Variants in DNAH6 observed in about 807,000 individuals in gnomAD.
DNAH6 encodes the protein dynein axonemal heavy chain 6.
In DNAH6, 340 loss-of-function variants were observed where a neutral mutation model predicts 491.4. That is an observed-to-expected ratio of 0.69 (90% confidence interval 0.63 to 0.76). The LOEUF (loss-of-function observed/expected upper bound fraction) is 0.76. DNAH6 is among the 30% of genes least tolerant of loss of function. The pLI is 0.00. For synonymous variants in DNAH6, 1,603 were observed against 1,686.1 expected (o/e 0.95, Z 1.21); for missense variants, 4,443 against 4,972.2 (o/e 0.89, Z 3.20).
chr2:84,646,806 A>G (rs114829011), intron 33 of DNAH6, among the ~76,000 whole-genome samples: 2,169 of 152,326 alleles, frequency 0.014, 52 homozygotes, highest in African/African-American at 0.05. Flanking sequence ...TAAAACCTGC[A>G]TGGATGAGGA....
At chr2:84,697,780 C>T in intron 47 of DNAH6, 53 bp downstream of exon 47, 2 of 1,543,372 alleles carry the variant, frequency 1.3e-6, no homozygotes, top group South Asian at 1.2e-5. Context: ...GTTTCTTCAC[C>T]TTTTATTTAA....
chr2:84,540,668 A>G (rs958543402), intron 4 of DNAH6, among the ~76,000 whole-genome samples: 2 of 152,128 alleles, frequency 1.3e-5, no homozygotes, highest in Non-Finnish European at 2.9e-5. Flanking sequence ...AAGGGCCCCA[A>G]AATTCTCTCA....
chr2:84,533,935 A>G (rs1312698865), intron 4 of DNAH6, among the ~76,000 whole-genome samples: 2 of 152,028 alleles, frequency 1.3e-5, no homozygotes, highest in Admixed American at 1.3e-4. Context: ...AGATCTTTTA[A>G]TTTTTTTTAA....
At chr2:84,773,406 T>A (rs544789134) in intron 64 of DNAH6, among the ~76,000 whole-genome samples, 1 of 152,234 alleles carries the variant, frequency 6.6e-6, no homozygotes, top group Non-Finnish European at 1.5e-5. Flanking sequence ...TATTCCTTTA[T>A]GTGGTTGCAT....
intron 17 of DNAH6, among the ~76,000 whole-genome samples, chr2:84,594,884 A>T (rs984107250): frequency 6.6e-6 from 1 of 152,192 alleles, no homozygotes; most frequent in Non-Finnish European, 1.5e-5. Flanking sequence ...TGGTGGAGAA[A>T]ATAGAAAATA....
At chr2:84,697,908 A>G (rs2104809323) in intron 47 of DNAH6, 181 bp downstream of exon 47, 2 of 651,100 alleles carry the variant, frequency 3.1e-6, no homozygotes, top group Admixed American at 5.9e-5. Context: ...CCAGACTTCC[A>G]GAAAGTTCTG....
intron 68 of DNAH6, 53 bp downstream of exon 68, chr2:84,787,355 G>C (rs1677303791): frequency 6.9e-7 from 1 of 1,457,904 alleles, no homozygotes; most frequent in African/African-American, 1.4e-5. Flanking sequence ...AAAGTTGTTG[G>C]TTTACTCCCA....
At chr2:84,755,268 T>TCTCTTGCC (rs1237337115) in intron 63 of DNAH6, among the ~76,000 whole-genome samples, 1 of 152,204 alleles carries the variant, frequency 6.6e-6, no homozygotes, top group Non-Finnish European at 1.5e-5. Flanking sequence ...GCTGTCTTGC[T>TCTCTTGCC]CTCTTGCCCT....
the DNAH6 span, among the ~76,000 whole-genome samples, chr2:84,461,263 T>G: frequency 6.6e-6 from 1 of 152,152 alleles, no homozygotes; most frequent in Non-Finnish European, 1.5e-5. Flanking sequence ...TCTGGAAAAC[T>G]GTAATTTTAA....
At chr2:84,507,113 G>T in the DNAH6 span, among the ~76,000 whole-genome samples, 128,385 of 151,208 alleles carry the variant, frequency 0.85, 55,851 homozygotes, top group East Asian at 0.98. Flanking sequence ...AAAGTCATTG[G>T]TAGCTTGATG....
At chr2:84,765,750 C>T (rs372758383) in intron 64 of DNAH6, among the ~76,000 whole-genome samples, 1 of 152,076 alleles carries the variant, frequency 6.6e-6, no homozygotes, top group South Asian at 2.1e-4. Context: ...GTATAAATAT[C>T]TCACCTAAGA....
At chr2:84,528,399 G>T (rs987075657) in intron 3 of DNAH6, among the ~76,000 whole-genome samples, 1 of 152,130 alleles carries the variant, frequency 6.6e-6, no homozygotes, top group South Asian at 2.1e-4. Flanking sequence ...TAAGGCTATC[G>T]CATAGTGATT....
intron 33 of DNAH6, among the ~76,000 whole-genome samples, chr2:84,643,612 C>T (rs1189284235): frequency 6.6e-6 from 1 of 152,134 alleles, no homozygotes; most frequent in Non-Finnish European, 1.5e-5. Context: ...GAGGTATCCT[C>T]AAGCTCAGAG....
intron 52 of DNAH6, among the ~76,000 whole-genome samples, chr2:84,706,046 GT>G (rs1231053351): frequency 1.1e-4 from 16 of 152,168 alleles, no homozygotes; most frequent in Admixed American, 7.2e-4. Context: ...CTGTATTTCC[GT>G]TTGCTAAATA....
intron 15 of DNAH6, 92 bp downstream of exon 15, chr2:84,584,342 A>C (rs761627083): frequency 7.9e-7 from 1 of 1,261,194 alleles, no homozygotes; most frequent in Non-Finnish European, 1.1e-6. Context: ...TAAAAATTGT[A>C]TATATTTACA....
chr2:84,542,056 TAAGA>T (rs1678303819), intron 4 of DNAH6, among the ~76,000 whole-genome samples: 1 of 152,160 alleles, frequency 6.6e-6, no homozygotes, highest in African/African-American at 2.4e-5. Flanking sequence ...AGTTCTGCGA[TAAGA>T]AGAGAAATAC....
chr2:84,717,897 T>C (rs1697700974), intron 58 of DNAH6, among the ~76,000 whole-genome samples: 1 of 152,130 alleles, frequency 6.6e-6, no homozygotes, highest in African/African-American at 2.4e-5. Context: ...GAGACAGAAA[T>C]TGAATGATTA....
chr2:84,571,514 A>G (rs1219562448), intron 11 of DNAH6, among the ~76,000 whole-genome samples: 2 of 152,202 alleles, frequency 1.3e-5, no homozygotes, highest in African/African-American at 2.4e-5. Context: ...GAGTCTAATC[A>G]TGAGGAAATA....
At chr2:84,502,169 G>C in the DNAH6 span, among the ~76,000 whole-genome samples, 5 of 152,020 alleles carry the variant, frequency 3.3e-5, no homozygotes, top group Non-Finnish European at 7.4e-5. Flanking sequence ...AGCTATAAAC[G>C]TCCCTCTTGG....
Sources: gnomAD v4.1 joint callset for allele counts (sites outside exome capture counted in the v4.1 genomes callset) on GRCh38, gnomAD v4.1.1 for gene constraint, MANE v1.5 for transcripts, NCBI Gene and HGNC (gene_info 2026-07-23, HGNC 2026-07-21) for gene names.